The following ITPRID1 variants were observed in gnomAD, a reference collection of about 807,000 sequenced individuals.
The protein encoded by ITPRID1 is ITPR interacting domain containing 1.
A neutral mutation model predicts 95.4 loss-of-function variants in ITPRID1; 96 were observed. That is an observed-to-expected ratio of 1.01 (90% CI 0.85 to 1.19). The LOEUF (loss-of-function observed/expected upper bound fraction) is 1.19. Among genes scored for constraint, ITPRID1 ranks in the 50% most tolerant of loss-of-function variants. The pLI is 0.00. For synonymous variants in ITPRID1, 510 were observed against 453.6 expected (o/e 1.12, Z -1.58); for missense variants, 1,339 against 1,252.9 (o/e 1.07, Z -1.04).
chr7:31,658,264 C>T, downstream of ITPRID1: 3 of 1,500,560 alleles, frequency 2.0e-6, no homozygotes, highest in Non-Finnish European at 2.6e-6. Context: ...CACATATTCT[C>T]TTATAGGTGA....
intron 5 of ITPRID1, among the ~76,000 whole-genome samples, chr7:31,560,216 T>A (rs1009268): frequency 6.6e-6 from 1 of 151,978 alleles, no homozygotes; most frequent in South Asian, 2.1e-4. Flanking sequence ...GTTCCAGGAA[T>A]AGCAAGGATG....
chr7:31,631,293 C>T (rs12701129), intron 10 of ITPRID1, among the ~76,000 whole-genome samples: 36,421 of 151,890 alleles, frequency 0.24, 5,490 homozygotes, highest in Non-Finnish European at 0.33. Context: ...TGCGTGCGTG[C>T]ACACACAGAC....
At chr7:31,536,642 C>T (rs148161254) in intron 1 of ITPRID1, among the ~76,000 whole-genome samples, 429 of 152,244 alleles carry the variant, frequency 2.8e-3, no homozygotes, top group African/African-American at 9.6e-3. Context: ...TATCAAGCCA[C>T]TTGTATAGAG....
intron 8 of ITPRID1, among the ~76,000 whole-genome samples, chr7:31,575,938 C>A (rs1385450245): frequency 6.6e-6 from 1 of 151,670 alleles, no homozygotes; most frequent in Admixed American, 6.6e-5. Context: ...TGTAGTATTT[C>A]TTTACTTTTT....
chr7:31,530,491 C>T (rs1177911384), intron 1 of ITPRID1, among the ~76,000 whole-genome samples: 5 of 152,000 alleles, frequency 3.3e-5, no homozygotes, highest in Admixed American at 6.6e-5. Flanking sequence ...TAAGTATATC[C>T]CAAATAACGG....
chr7:31,524,470 G>C (rs1006235176), intron 1 of ITPRID1, among the ~76,000 whole-genome samples: 5 of 152,092 alleles, frequency 3.3e-5, no homozygotes, highest in Non-Finnish European at 7.4e-5. Context: ...CATGATTAGT[G>C]GTCCCATTTC....
intron 10 of ITPRID1, among the ~76,000 whole-genome samples, chr7:31,619,188 G>C (rs922465926): frequency 6.6e-6 from 1 of 152,148 alleles, no homozygotes; most frequent in Non-Finnish European, 1.5e-5. Flanking sequence ...TACAGGCAAG[G>C]TGTCCTTTCT....
intron 10 of ITPRID1, among the ~76,000 whole-genome samples, chr7:31,628,567 C>G (rs1788697492): frequency 6.6e-6 from 1 of 151,846 alleles, no homozygotes; most frequent in Admixed American, 6.6e-5. Flanking sequence ...ACGCCATTCT[C>G]CTGCCTCAGC....
At chr7:31,622,654 A>G (rs1340482395) in intron 10 of ITPRID1, among the ~76,000 whole-genome samples, 1 of 152,208 alleles carries the variant, frequency 6.6e-6, no homozygotes, top group African/African-American at 2.4e-5. Context: ...AAGAGAAAGC[A>G]GGAAAGATCC....
At chr7:31,575,192 A>G (rs1282998614) in intron 8 of ITPRID1, among the ~76,000 whole-genome samples, 1 of 152,188 alleles carries the variant, frequency 6.6e-6, no homozygotes, top group Non-Finnish European at 1.5e-5. Context: ...AGTAATGGTG[A>G]GCAGCACTAA....
At chr7:31,607,381 C>T (rs39737) in intron 10 of ITPRID1, among the ~76,000 whole-genome samples, 130,680 of 152,134 alleles carry the variant, frequency 0.86, 56,239 homozygotes, top group East Asian at 0.99. Context: ...AGGAGGCAAA[C>T]TTTTTGAGAC....
chr7:31,550,729 A>T (rs1484730577), intron 2 of ITPRID1, among the ~76,000 whole-genome samples: 1 of 103,608 alleles, frequency 9.7e-6, no homozygotes, highest in Non-Finnish European at 2.4e-5. Flanking sequence ...TTCTTTGGCA[A>T]GCCTTTTTCC....
intron 12 of ITPRID1, among the ~76,000 whole-genome samples, chr7:31,649,285 T>C (rs1318007734): frequency 1.3e-5 from 2 of 152,064 alleles, no homozygotes; most frequent in Non-Finnish European, 2.9e-5. Context: ...GCCATGTAGT[T>C]TAGAGAGGAA....
chr7:31,523,781 T>C (rs1023383037), intron 1 of ITPRID1, among the ~76,000 whole-genome samples: 4 of 152,220 alleles, frequency 2.6e-5, no homozygotes, highest in African/African-American at 9.7e-5. Flanking sequence ...TTTATAACAA[T>C]GTAAGAATAG....
chr7:31,632,494 C>T (rs1789101919), intron 10 of ITPRID1, among the ~76,000 whole-genome samples: 1 of 152,028 alleles, frequency 6.6e-6, no homozygotes, highest in African/African-American at 2.4e-5. Context: ...AGGATGGAAC[C>T]ATGGTCCCAA....
At chr7:31,553,570 T>C (rs923361129) in intron 3 of ITPRID1, among the ~76,000 whole-genome samples, 1 of 152,212 alleles carries the variant, frequency 6.6e-6, no homozygotes, top group Admixed American at 6.5e-5. Flanking sequence ...GACAAAAATT[T>C]TAATCATTTA....
At chr7:31,546,273 G>A (rs1279729362) in intron 1 of ITPRID1, among the ~76,000 whole-genome samples, 1 of 151,966 alleles carries the variant, frequency 6.6e-6, no homozygotes, top group East Asian at 1.9e-4. Flanking sequence ...CTGTTTGTTA[G>A]CTGTTGGGAG....
At chr7:31,626,733 A>C (rs538515715) in intron 10 of ITPRID1, among the ~76,000 whole-genome samples, 2 of 152,338 alleles carry the variant, frequency 1.3e-5, no homozygotes, top group East Asian at 3.9e-4. Flanking sequence ...GGCAGTTTTC[A>C]TCTTTATAAG....
chr7:31,583,499 G>A (rs767075542), intron 10 of ITPRID1, among the ~76,000 whole-genome samples: 3 of 152,150 alleles, frequency 2.0e-5, no homozygotes, highest in Non-Finnish European at 2.9e-5. Flanking sequence ...GCAGTGGTGC[G>A]CACCTGTAAT....
Sources: gnomAD v4.1 joint callset for allele counts (sites outside exome capture counted in the v4.1 genomes callset) on GRCh38, gnomAD v4.1.1 for gene constraint, MANE v1.5 for transcripts, NCBI Gene and HGNC (gene_info 2026-07-23, HGNC 2026-07-21) for gene names.